The following FBXW10B variants were observed in gnomAD, a reference collection of about 807,000 sequenced individuals.
FBXW10B encodes the protein F-box and WD repeat domain containing protein 10B.
chr17:15,580,544 G>T, the FBXW10B span, among the ~76,000 whole-genome samples: 1 of 45,698 alleles, frequency 2.2e-5, no homozygotes, highest in Non-Finnish European at 5.7e-5. Flanking sequence ...TAAAAATAGT[G>T]GTATATTCAT....
chr17:15,614,650 G>T, the FBXW10B span, among the ~76,000 whole-genome samples: 1 of 152,152 alleles, frequency 6.6e-6, no homozygotes, highest in Non-Finnish European at 1.5e-5. Flanking sequence ...AGAAAGGGGG[G>T]AAAATGAATG....
At chr17:15,569,455 C>CTTTTT in the FBXW10B span, among the ~76,000 whole-genome samples, 136 of 59,176 alleles carry the variant, frequency 2.3e-3, no homozygotes, top group African/African-American at 4.5e-3. Context: ...TTTTCTTTTT[C>CTTTTT]TTTTTTTTTT....
At chr17:15,579,512 A>C in the FBXW10B span, among the ~76,000 whole-genome samples, 1 of 152,064 alleles carries the variant, frequency 6.6e-6, no homozygotes, top group Non-Finnish European at 1.5e-5. Context: ...CGGGAAATTA[A>C]AGTTAAATTG....
At chr17:15,601,408 CAAAAAAAAAAAAA>C in the FBXW10B span, among the ~76,000 whole-genome samples, 12 of 66,622 alleles carry the variant, frequency 1.8e-4, no homozygotes, top group East Asian at 1.3e-3. Context: ...GACTCCGTCT[CAAAAAAAAAAAAA>C]AAAAAAAAGA....
chr17:15,616,577 G>C, the FBXW10B span, among the ~76,000 whole-genome samples: 1 of 152,052 alleles, frequency 6.6e-6, no homozygotes, highest in Non-Finnish European at 1.5e-5. Flanking sequence ...GGCTGAGGCA[G>C]GCGGATCACA....
At chr17:15,579,766 G>T in the FBXW10B span, among the ~76,000 whole-genome samples, 1 of 152,168 alleles carries the variant, frequency 6.6e-6, no homozygotes, top group Non-Finnish European at 1.5e-5. Context: ...TTAAAAGTCA[G>T]GTAATTTAAA....
chr17:15,592,604 A>G, the FBXW10B span, among the ~76,000 whole-genome samples: 6 of 151,304 alleles, frequency 4.0e-5, no homozygotes, highest in South Asian at 1.3e-3. Context: ...GCTTTCCCCC[A>G]CTGTACCCCC....
At chr17:15,582,334 C>T in the FBXW10B span, among the ~76,000 whole-genome samples, 2 of 151,188 alleles carry the variant, frequency 1.3e-5, no homozygotes, top group Non-Finnish European at 2.9e-5. Context: ...TTGTGTTTAA[C>T]TGAGATGAAA....
At chr17:15,579,578 A>G in the FBXW10B span, among the ~76,000 whole-genome samples, 2 of 152,154 alleles carry the variant, frequency 1.3e-5, no homozygotes. Context: ...AGGATATTTT[A>G]TTTTGTAATT....
At chr17:15,593,189 T>G in the FBXW10B span, 6 of 1,196,722 alleles carry the variant, frequency 5.0e-6, no homozygotes, top group South Asian at 8.1e-5. Context: ...ACCACAAGAC[T>G]ATTGCTCCAC....
the FBXW10B span, among the ~76,000 whole-genome samples, chr17:15,616,221 G>C: frequency 1.6e-3 from 246 of 152,002 alleles, no homozygotes; most frequent in Non-Finnish European, 2.8e-3. Flanking sequence ...ATTGCCCAGG[G>C]TGGAGTGCAA....
At chr17:15,567,020 C>T in the FBXW10B span, among the ~76,000 whole-genome samples, 15 of 151,382 alleles carry the variant, frequency 9.9e-5, no homozygotes, top group African/African-American at 3.4e-4. Flanking sequence ...GCCTGTAATC[C>T]CAGCACTTTG....
At chr17:15,619,400 A>G in the FBXW10B span, 1 of 1,613,896 alleles carries the variant, frequency 6.2e-7, no homozygotes, top group South Asian at 1.1e-5. Flanking sequence ...GGTAGAGAAG[A>G]TCTTCCAGGC....
At chr17:15,584,353 A>G in the FBXW10B span, among the ~76,000 whole-genome samples, 5 of 152,212 alleles carry the variant, frequency 3.3e-5, no homozygotes, top group Admixed American at 6.5e-5. Context: ...CAGGGGATAA[A>G]ACCACAATTT....
the FBXW10B span, chr17:15,596,509 C>G: frequency 1.9e-6 from 3 of 1,580,214 alleles, no homozygotes; most frequent in Non-Finnish European, 2.6e-6. Flanking sequence ...CCACTGCCCA[C>G]TTACCTTTAC....
chr17:15,588,894 A>T, the FBXW10B span: 807 of 1,613,502 alleles, frequency 5.0e-4, 1 homozygote, highest in African/African-American at 5.2e-3. Context: ...GTGCTGTTCC[A>T]GGAGTTGCCA....
At chr17:15,611,007 T>C in the FBXW10B span, among the ~76,000 whole-genome samples, 1 of 149,742 alleles carries the variant, frequency 6.7e-6, no homozygotes, top group East Asian at 2.0e-4. Flanking sequence ...TCAAAGGAAA[T>C]CCAGAAATGT....
the FBXW10B span, among the ~76,000 whole-genome samples, chr17:15,602,286 A>G: frequency 6.6e-6 from 1 of 152,148 alleles, no homozygotes; most frequent in Non-Finnish European, 1.5e-5. Flanking sequence ...TCTCATGCAC[A>G]TATGGGAAAT....
the FBXW10B span, among the ~76,000 whole-genome samples, chr17:15,569,253 G>C: frequency 1.3e-5 from 2 of 151,936 alleles, no homozygotes; most frequent in African/African-American, 4.8e-5. Context: ...TACATGCCCC[G>C]TCAACAGTGT....
Sources: gnomAD v4.1 joint callset for allele counts (sites outside exome capture counted in the v4.1 genomes callset) on GRCh38, gnomAD v4.1.1 for gene constraint, MANE v1.5 for transcripts, NCBI Gene and HGNC (gene_info 2026-07-23, HGNC 2026-07-21) for gene names.